RBFOX1: variants seen among roughly 807,000 people sequenced by gnomAD.
RBFOX1 encodes RNA binding protein fox-1 homolog 1.
Under a neutral mutation model 57.7 loss-of-function variants are expected in RBFOX1, and 8 were observed. The ratio of observed to expected loss-of-function variants is 0.14; its 90% CI spans 0.08 to 0.25. The LOEUF (loss-of-function observed/expected upper bound fraction) is 0.25. RBFOX1 is among the 10% of genes least tolerant of loss of function. The pLI, the probability that RBFOX1 is intolerant of heterozygous loss-of-function variation, is 1.00. For missense variants in RBFOX1, 611 were observed against 548.5 expected, an observed-to-expected ratio of 1.11 and a Z score of -1.14; for synonymous variants, 326 against 222.4, an observed-to-expected ratio of 1.47 and a Z score of -4.15.
intron 4 of RBFOX1, among the ~76,000 whole-genome samples, chr16:7,285,615 G>A (rs751663433): frequency 6.6e-6 from 1 of 150,810 alleles, no homozygotes. Context: ...GACATTTCAA[G>A]AAATGGACCC....
At chr16:7,046,870 T>C (rs1020219442) in intron 3 of RBFOX1, among the ~76,000 whole-genome samples, 1 of 152,064 alleles carries the variant, frequency 6.6e-6, no homozygotes, top group Non-Finnish European at 1.5e-5. Flanking sequence ...TCTTTCAAAG[T>C]TCTGGAATTA....
intron 4 of RBFOX1, among the ~76,000 whole-genome samples, chr16:7,488,245 T>A (rs571302875): frequency 6.6e-6 from 1 of 152,304 alleles, no homozygotes; most frequent in African/African-American, 2.4e-5. Flanking sequence ...ATGCTTAGCC[T>A]GGTGTTGTTC....
At chr16:6,006,667 C>G (rs1209219505) in intron 4 of RBFOX1, among the ~76,000 whole-genome samples, 1 of 152,154 alleles carries the variant, frequency 6.6e-6, no homozygotes, top group Non-Finnish European at 1.5e-5. Context: ...TTCTGTCACT[C>G]AGAAGGGGAA....
intron 3 of RBFOX1, among the ~76,000 whole-genome samples, chr16:7,040,276 C>T (rs2045752087): frequency 6.6e-6 from 1 of 152,080 alleles, no homozygotes; most frequent in African/African-American, 2.4e-5. Flanking sequence ...GCCTCAGCCT[C>T]CCAAAGTGCT....
intron 4 of RBFOX1, among the ~76,000 whole-genome samples, chr16:7,414,585 C>G (rs1454502889): frequency 1.3e-5 from 2 of 152,096 alleles, no homozygotes; most frequent in Admixed American, 6.6e-5. Flanking sequence ...ATCCCAAACA[C>G]AATGTTTTTC....
At chr16:7,215,861 A>G (rs952602883) in intron 4 of RBFOX1, among the ~76,000 whole-genome samples, 1 of 151,408 alleles carries the variant, frequency 6.6e-6, no homozygotes, top group Non-Finnish European at 1.5e-5. Context: ...ATTAGCTGGG[A>G]CTACAGGCGT....
rs575377299 is a variant in RBFOX1 at position 5,817,242 on chromosome 16, C to T, written c.319-50061C>T. On this transcript the variant is annotated intron_variant, in intron 3 of 19. Transcript: ENST00000641259. ...TCTAGGAGCAGCCATGTTTCTATTA[C>T]GGTAATTAAACACAGGTGAAGGATA... is the stretch of plus-strand genomic sequence containing the variant. 3.2e-3 allele frequency among the ~76,000 whole-genome samples: 488 copies of T among 152,204 alleles called. 3 individuals carry two copies. The highest frequency in any genetic ancestry group is 5.2e-3 in the Non-Finnish European group (352 of 68,014).
intron 4 of RBFOX1, among the ~76,000 whole-genome samples, chr16:7,138,434 G>A (rs2072662942): frequency 6.6e-6 from 1 of 152,100 alleles, no homozygotes; most frequent in African/African-American, 2.4e-5. Context: ...TTGGCAACGT[G>A]GAGGCAAGGA....
At chr16:6,878,874 TC>T (rs2062357734) in intron 3 of RBFOX1, among the ~76,000 whole-genome samples, 2 of 151,890 alleles carry the variant, frequency 1.3e-5, no homozygotes, top group Admixed American at 1.3e-4. Flanking sequence ...TAACAGCTAA[TC>T]TTTGATAGTT....
chr16:6,138,506 TA>T (rs2096685862), intron 1 of RBFOX1, among the ~76,000 whole-genome samples: 1 of 152,160 alleles, frequency 6.6e-6, no homozygotes, highest in Admixed American at 6.5e-5. Flanking sequence ...TTTGCCTTTT[TA>T]AAGCCAGGAA....
rs543313549 is a variant in RBFOX1 at position 5,726,674 on chromosome 16, C to G, written c.318+127713C>G. On this transcript the variant is annotated intron_variant, in intron 3 of 19. Coordinates refer to the RBFOX1 transcript ENST00000641259. ...ATTATGTTATGATCAAGGCTTAACT[C>G]TACTGTATTATTTGCAATGCTAATA... Among the ~76,000 whole-genome samples, 4 of 152,164 alleles carry G rather than the reference C, an allele frequency of 2.6e-5. No homozygotes were observed. In the East Asian group the frequency reaches 7.7e-4, roughly 29 times the overall value.
Position 6,130,348 on chromosome 16 carries a change from T to A in RBFOX1, c.-127+110356T>A, listed in dbSNP as rs150406975. ...TGAACTGTAAAAAGATTCTGATAAG[T>A]TATGGATACATATTGTTTATCCTAC... On this transcript the variant is annotated intron_variant, in intron 1 of 15. Transcript: ENST00000550418. Among the ~76,000 whole-genome samples, 391 of 152,180 alleles carry A rather than the reference T, an allele frequency of 2.6e-3. 2 individuals are homozygous for A. Among genetic ancestry groups the A allele is most frequent in the African/African-American group, 9.2e-3 (381 of 41,552 alleles).
intron 1 of RBFOX1, among the ~76,000 whole-genome samples, chr16:6,131,458 C>T (rs2096629142): frequency 6.6e-6 from 1 of 152,108 alleles, no homozygotes; most frequent in Non-Finnish European, 1.5e-5. Context: ...GCTTACTACC[C>T]CTTGCTCTAG....
intron 4 of RBFOX1, among the ~76,000 whole-genome samples, chr16:5,945,547 C>T (rs553024560): frequency 7.7e-4 from 117 of 152,254 alleles, no homozygotes; most frequent in Non-Finnish European, 1.4e-3. Context: ...CCCTCTGAAA[C>T]GGATATTGTT....
At chr16:7,098,467 G>A (rs966646970) in intron 4 of RBFOX1, among the ~76,000 whole-genome samples, 1 of 152,142 alleles carries the variant, frequency 6.6e-6, no homozygotes, top group Non-Finnish European at 1.5e-5. Context: ...ACTGTGCCAG[G>A]TAGGCAAAAA....
intron 14 of RBFOX1, among the ~76,000 whole-genome samples, chr16:7,688,260 T>TGA (rs141940868): frequency 9.7e-4 from 121 of 125,350 alleles, no homozygotes; most frequent in African/African-American, 1.8e-3. Context: ...TGTGTGTGTG[T>TGA]GAGAGAGAGA....
chr16:6,762,007 A>G (rs1487644795), intron 3 of RBFOX1, among the ~76,000 whole-genome samples: 2 of 151,854 alleles, frequency 1.3e-5, no homozygotes, highest in African/African-American at 4.8e-5. Flanking sequence ...AAGCTCGACA[A>G]CTCTACAGGT....
At chr16:5,569,097 G>A (rs547370508) in intron 2 of RBFOX1, among the ~76,000 whole-genome samples, 4 of 151,092 alleles carry the variant, frequency 2.6e-5, no homozygotes, top group South Asian at 2.1e-4. Flanking sequence ...TGATCCGCCC[G>A]CCTTGGTCTC....
chr16:5,625,453 T>C (rs2151291495), intron 3 of RBFOX1, among the ~76,000 whole-genome samples: 1 of 152,322 alleles, frequency 6.6e-6, no homozygotes, highest in South Asian at 2.1e-4. Flanking sequence ...TTGAACTCAC[T>C]GGTGTGCCTG....
Sources: gnomAD v4.1 joint callset for allele counts (sites outside exome capture counted in the v4.1 genomes callset) on GRCh38, gnomAD v4.1.1 for gene constraint, MANE v1.5 for transcripts, NCBI Gene and HGNC (gene_info 2026-07-23, HGNC 2026-07-21) for gene names.